The following B3GALT1 variants were observed in gnomAD, a reference collection of about 807,000 sequenced individuals.
B3GALT1 encodes UDP-Gal:betaGlcNAc beta 1,3-galactosyltransferase, polypeptide 1.
In B3GALT1, 10 loss-of-function variants were observed where a neutral mutation model predicts 23.2. The observed-to-expected ratio is 0.43, with a 90% CI of 0.27 to 0.73. The LOEUF is 0.73. Ranked by LOEUF, B3GALT1 falls within the 30% of genes least tolerant of loss-of-function variation. B3GALT1 has a pLI of 0.21. For missense variants in B3GALT1, 299 were observed against 405.4 expected, an observed-to-expected ratio of 0.74 and a Z score of 2.25; for synonymous variants, 156 against 141.5, an observed-to-expected ratio of 1.10 and a Z score of -0.73.
At chr2:167,841,641 C>G (rs1395850893) in intron 4 of B3GALT1, among the ~76,000 whole-genome samples, 1 of 152,236 alleles carries the variant, frequency 6.6e-6, no homozygotes, top group Non-Finnish European at 1.5e-5. Flanking sequence ...TCCAGCCTCC[C>G]CCTTCTCCTA....
At chr2:167,659,574 G>A (rs879883372) in intron 3 of B3GALT1, among the ~76,000 whole-genome samples, 1 of 152,098 alleles carries the variant, frequency 6.6e-6, no homozygotes, top group Non-Finnish European at 1.5e-5. Context: ...AGTGTTTCAT[G>A]TGGTTTGTGG....
At chr2:167,439,457 A>G (rs1458682807) in intron 1 of B3GALT1, among the ~76,000 whole-genome samples, 2 of 152,176 alleles carry the variant, frequency 1.3e-5, no homozygotes, top group South Asian at 2.1e-4. Flanking sequence ...GTGTATATGC[A>G]TATACTTTTC....
intron 2 of B3GALT1, among the ~76,000 whole-genome samples, chr2:167,607,651 G>T (rs1191411472): frequency 6.6e-6 from 1 of 152,174 alleles, no homozygotes; most frequent in Admixed American, 6.5e-5. Flanking sequence ...CACTACCAGG[G>T]TAAATACTAC....
chr2:167,590,226 G>T (rs1421475534), intron 2 of B3GALT1, among the ~76,000 whole-genome samples: 1 of 151,660 alleles, frequency 6.6e-6, no homozygotes, highest in Non-Finnish European at 1.5e-5. Context: ...GGCACCTGTA[G>T]TCCCAGCTAC....
chr2:167,841,122 A>G (rs1689640137), intron 4 of B3GALT1, among the ~76,000 whole-genome samples: 1 of 151,848 alleles, frequency 6.6e-6, no homozygotes, highest in African/African-American at 2.4e-5. Context: ...ACATGTATAC[A>G]TATGTAACTA....
At chr2:167,715,284 C>CT in intron 3 of B3GALT1, 1 of 1,613,948 alleles carries the variant, frequency 6.2e-7, no homozygotes, top group Admixed American at 1.7e-5. Context: ...ATGTGATTTT[C>CT]TTTATCATTC....
intron 2 of B3GALT1, among the ~76,000 whole-genome samples, chr2:167,578,255 A>G (rs1337476059): frequency 6.6e-6 from 1 of 152,012 alleles, no homozygotes; most frequent in African/African-American, 2.4e-5. Flanking sequence ...AATCATTTCA[A>G]CAGAATAAGA....
intron 3 of B3GALT1, among the ~76,000 whole-genome samples, chr2:167,658,704 T>C (rs1169741206): frequency 6.6e-6 from 1 of 152,080 alleles, no homozygotes; most frequent in Non-Finnish European, 1.5e-5. Context: ...CATAGGAAGA[T>C]GGGGCATTTA....
intron 3 of B3GALT1, among the ~76,000 whole-genome samples, chr2:167,673,137 T>C (rs762242849): frequency 6.6e-6 from 1 of 152,112 alleles, no homozygotes; most frequent in Admixed American, 6.6e-5. Context: ...GAGAACGTTA[T>C]AGAGCATCAA....
At chr2:167,848,337 TCC>T (rs1689804977) in intron 4 of B3GALT1, among the ~76,000 whole-genome samples, 1 of 152,030 alleles carries the variant, frequency 6.6e-6, no homozygotes, top group African/African-American at 2.4e-5. Flanking sequence ...GATTCTAAAA[TCC>T]TTAACAAAAT....
At chr2:167,582,544 A>G (rs1439269265) in intron 2 of B3GALT1, among the ~76,000 whole-genome samples, 2 of 152,246 alleles carry the variant, frequency 1.3e-5, no homozygotes, top group African/African-American at 4.8e-5. Flanking sequence ...GAAGCCAGTA[A>G]TTTAGTCTCT....
chr2:167,607,249 A>G (rs1186223284), intron 2 of B3GALT1, among the ~76,000 whole-genome samples: 1 of 152,224 alleles, frequency 6.6e-6, no homozygotes, highest in Non-Finnish European at 1.5e-5. Flanking sequence ...AATGAGTCCT[A>G]CATTCTTAGA....
intron 4 of B3GALT1, among the ~76,000 whole-genome samples, chr2:167,835,550 C>T (rs12616247): frequency 0.11 from 16,585 of 152,030 alleles, 1,141 homozygotes; most frequent in East Asian, 0.37. Flanking sequence ...TGGGTGGAGC[C>T]CACCACAGCT....
chr2:167,730,243 AT>A (rs1219230109), intron 3 of B3GALT1, among the ~76,000 whole-genome samples: 2 of 151,314 alleles, frequency 1.3e-5, no homozygotes, highest in African/African-American at 4.9e-5. Context: ...AGCAAGCTAC[AT>A]TTTTTTTCAA....
intron 3 of B3GALT1, among the ~76,000 whole-genome samples, chr2:167,726,815 C>T (rs538623145): frequency 1.3e-5 from 2 of 152,324 alleles, no homozygotes; most frequent in South Asian, 4.1e-4. Context: ...TCTGAAATAA[C>T]CTCAAGCATC....
chr2:167,637,305 C>T (rs188737973), intron 2 of B3GALT1, among the ~76,000 whole-genome samples: 336 of 152,100 alleles, frequency 2.2e-3, no homozygotes, highest in Middle Eastern at 0.01. Context: ...AATGTTCTGA[C>T]GGCCGCAGCA....
At chr2:167,604,758 A>C (rs1380246293) in intron 2 of B3GALT1, among the ~76,000 whole-genome samples, 1 of 152,190 alleles carries the variant, frequency 6.6e-6, no homozygotes, top group East Asian at 1.9e-4. Context: ...ACAGGCAGGA[A>C]ATGGGGACAG....
intron 3 of B3GALT1, among the ~76,000 whole-genome samples, chr2:167,728,116 G>A (rs2105262776): frequency 6.6e-6 from 1 of 152,300 alleles, no homozygotes; most frequent in South Asian, 2.1e-4. Context: ...GCCGGGTATG[G>A]TGGCTCATGC....
chr2:167,354,470 C>T (rs994733228), intron 1 of B3GALT1, among the ~76,000 whole-genome samples: 1 of 151,840 alleles, frequency 6.6e-6, no homozygotes, highest in Non-Finnish European at 1.5e-5. Flanking sequence ...CCTCAGCCTC[C>T]TGAGTAGCTA....
Sources: allele counts gnomAD v4.1 joint callset (sites outside exome capture counted in the v4.1 genomes callset), GRCh38; gene constraint gnomAD v4.1.1; transcripts MANE v1.5; gene names NCBI Gene and HGNC (gene_info 2026-07-23, HGNC 2026-07-21).